Variants in PTAFR observed in about 807,000 individuals in gnomAD.
PTAFR encodes platelet activating factor receptor, also known as platelet-activating factor receptor.
A neutral mutation model predicts 14.7 loss-of-function variants in PTAFR; 8 were observed. The observed-to-expected ratio is 0.54, with a 90% CI of 0.32 to 0.98. The LOEUF (loss-of-function observed/expected upper bound fraction) is 0.98, where lower values mean the gene tolerates loss of function less well. PTAFR is among the 50% of genes least tolerant of loss of function. The pLI, the probability that PTAFR is intolerant of heterozygous loss-of-function variation, is 0.04. For missense variants in PTAFR, 337 were observed against 451.2 expected (o/e 0.75, Z 2.29); for synonymous variants, 156 against 176.5 (o/e 0.88, Z 0.92).
At chr1:28,154,205 A>C (rs1166552539) in intron 1 of PTAFR, among the ~76,000 whole-genome samples, 1 of 152,078 alleles carries the variant, frequency 6.6e-6, no homozygotes, top group Non-Finnish European at 1.5e-5. Context: ...TGAGTCTCAC[A>C]CAAACACTTT....
chr1:28,181,207 C>G (rs1646560444), upstream of PTAFR, among the ~76,000 whole-genome samples: 1 of 152,134 alleles, frequency 6.6e-6, no homozygotes, highest in African/African-American at 2.4e-5. Context: ...AGGAAACTAC[C>G]ACAAGGATTT....
At chr1:28,168,687 G>C (rs1572039650) in intron 1 of PTAFR, among the ~76,000 whole-genome samples, 1 of 152,118 alleles carries the variant, frequency 6.6e-6, no homozygotes, top group East Asian at 1.9e-4. Context: ...TTGTTTGTTT[G>C]AAATGAAGTC....
chr1:28,167,998 G>T (rs1276500342), intron 1 of PTAFR, among the ~76,000 whole-genome samples: 2 of 120,938 alleles, frequency 1.7e-5, no homozygotes, highest in African/African-American at 6.4e-5. Context: ...TCGCTCTGTA[G>T]CGCAGGCTGG....
chr1:28,157,715 G>A (rs186920244), intron 1 of PTAFR, among the ~76,000 whole-genome samples: 3 of 149,138 alleles, frequency 2.0e-5, no homozygotes, highest in East Asian at 2.0e-4. Context: ...TGCAAGCTCC[G>A]CCTCCTGGGT....
intron 1 of PTAFR, among the ~76,000 whole-genome samples, chr1:28,184,892 G>A (rs1557698711): frequency 1.3e-5 from 2 of 151,788 alleles, no homozygotes; most frequent in South Asian, 4.2e-4. Flanking sequence ...CACCTACCTC[G>A]GCCTTTCAAA....
intron 1 of PTAFR, among the ~76,000 whole-genome samples, chr1:28,193,246 G>A (rs373048219): frequency 6.6e-6 from 1 of 152,064 alleles, no homozygotes; most frequent in East Asian, 1.9e-4. Flanking sequence ...GTGAGTGGGT[G>A]GAGGGTCTTC....
At chr1:28,181,957 A>G (rs1646566220) in intron 1 of PTAFR, among the ~76,000 whole-genome samples, 1 of 152,068 alleles carries the variant, frequency 6.6e-6, no homozygotes, top group African/African-American at 2.4e-5. Flanking sequence ...TAAATTAACT[A>G]CTTAAATAAA....
intron 1 of PTAFR, among the ~76,000 whole-genome samples, chr1:28,186,635 A>C (rs1180331659): frequency 1.3e-5 from 2 of 152,230 alleles, no homozygotes; most frequent in Admixed American, 6.5e-5. Flanking sequence ...GTATTAAGAC[A>C]GAGTGGTGCT....
chr1:28,173,429 A>G (rs1239085019), intron 1 of PTAFR, among the ~76,000 whole-genome samples: 2 of 151,978 alleles, frequency 1.3e-5, no homozygotes, highest in Non-Finnish European at 2.9e-5. Flanking sequence ...ATCATGTCAA[A>G]CCCCACCTCT....
chr1:28,156,870 G>A (rs2148994814), intron 1 of PTAFR, among the ~76,000 whole-genome samples: 1 of 152,258 alleles, frequency 6.6e-6, no homozygotes, highest in East Asian at 1.9e-4. Flanking sequence ...TTTGGCCTGT[G>A]TGGTGGCTGG....
chr1:28,173,282 T>C (rs941937940), intron 1 of PTAFR, among the ~76,000 whole-genome samples: 2 of 94,838 alleles, frequency 2.1e-5, no homozygotes, highest in African/African-American at 8.4e-5. Flanking sequence ...AGCAAGACTG[T>C]GTCTCTTAAA....
rs769382999 is a variant in PTAFR at position 28,151,056 on chromosome 1, G to C, written c.-35C>G. 1 of 1,508,580 alleles carries C rather than the reference G, an allele frequency of 6.6e-7. No homozygotes were observed. The highest frequency in any genetic ancestry group is 8.9e-7 in the Non-Finnish European group (1 of 1,120,412). 93.4% of individuals were successfully genotyped at this position (1,508,580 alleles called of 1,614,324 possible). On this transcript the variant is annotated 5_prime_UTR_variant, in exon 2 of 2. Transcript: ENST00000373857. ...CTGGAATGATCAGCTGGTCCTGGTG[G>C]TGCCTGGAAGACCACACAAAAATTC...
intron 1 of PTAFR, among the ~76,000 whole-genome samples, chr1:28,166,263 G>T (rs1646383877): frequency 6.6e-6 from 1 of 152,172 alleles, no homozygotes; most frequent in African/African-American, 2.4e-5. Context: ...ACATGCAGAA[G>T]AATGAAGATG....
intron 1 of PTAFR, among the ~76,000 whole-genome samples, chr1:28,193,135 G>A (rs934558816): frequency 6.6e-6 from 1 of 152,118 alleles, no homozygotes; most frequent in Non-Finnish European, 1.5e-5. Flanking sequence ...AGGGGAAGGG[G>A]AGTTCTGTGA....
intron 1 of PTAFR, among the ~76,000 whole-genome samples, chr1:28,172,020 G>C (rs181326150): frequency 1.3e-5 from 2 of 151,964 alleles, no homozygotes; most frequent in South Asian, 2.1e-4. Flanking sequence ...TGTGTGTTGC[G>C]GGGGTGGGGG....
intron 1 of PTAFR, among the ~76,000 whole-genome samples, chr1:28,166,045 C>T (rs909047690): frequency 6.6e-6 from 1 of 152,130 alleles, no homozygotes; most frequent in Non-Finnish European, 1.5e-5. Context: ...AAGACAACTC[C>T]TGATTTCAAA....
chr1:28,158,965 G>A (rs951797464), intron 1 of PTAFR, among the ~76,000 whole-genome samples: 22 of 152,196 alleles, frequency 1.4e-4, no homozygotes, highest in African/African-American at 4.8e-4. Context: ...GCCGATGGAG[G>A]GAAATGGATG....
At chr1:28,186,868 T>C (rs1311274647) in intron 1 of PTAFR, among the ~76,000 whole-genome samples, 1 of 152,196 alleles carries the variant, frequency 6.6e-6, no homozygotes, top group Non-Finnish European at 1.5e-5. Flanking sequence ...GAGATTGCAG[T>C]GAGCCGAGAT....
chr1:28,184,490 G>A (rs897960777), intron 1 of PTAFR, among the ~76,000 whole-genome samples: 8 of 152,052 alleles, frequency 5.3e-5, no homozygotes, highest in Admixed American at 3.3e-4. Flanking sequence ...TCCATCTCAC[G>A]TACAGGAGAA....
Sources: allele counts gnomAD v4.1 joint callset (sites outside exome capture counted in the v4.1 genomes callset), GRCh38; gene constraint gnomAD v4.1.1; transcripts MANE v1.5; gene names NCBI Gene and HGNC (gene_info 2026-07-23, HGNC 2026-07-21).